PRKAR2A: variants seen among roughly 807,000 people sequenced by gnomAD.
The protein encoded by PRKAR2A is cAMP-dependent protein kinase type II-alpha regulatory subunit.
A neutral mutation model predicts 51.9 loss-of-function variants in PRKAR2A; 29 were observed. That is an observed-to-expected ratio of 0.56 (90% CI 0.42 to 0.76). The LOEUF (loss-of-function observed/expected upper bound fraction) is 0.76. PRKAR2A is among the 30% of genes least tolerant of loss of function. The pLI is 0.00. For synonymous variants in PRKAR2A, 178 were observed against 186.2 expected, an observed-to-expected ratio of 0.96 and a Z score of 0.36; for missense variants, 445 against 512.1, an observed-to-expected ratio of 0.87 and a Z score of 1.26.
At chr3:48,819,057 C>T (rs1299415291) in intron 1 of PRKAR2A, among the ~76,000 whole-genome samples, 2 of 151,678 alleles carry the variant, frequency 1.3e-5, no homozygotes, top group African/African-American at 4.8e-5. Context: ...GGCTGGAGTG[C>T]AGTGGTGCAA....
At chr3:48,845,050 A>T (rs1368673056) in intron 1 of PRKAR2A, among the ~76,000 whole-genome samples, 1 of 152,210 alleles carries the variant, frequency 6.6e-6, no homozygotes, top group Non-Finnish European at 1.5e-5. Flanking sequence ...AGTGTTGTGT[A>T]AATAAAAATT....
Position 48,817,488 on chromosome 3 carries a change from C to T in PRKAR2A, c.263-9804G>A, listed in dbSNP as rs544949814. On this transcript the variant is annotated intron_variant, in intron 1 of 10. Coordinates refer to ENST00000265563, the MANE Select transcript of PRKAR2A (RefSeq NM_004157.4). ...CCAACATGGTGAAACCCCATTTCTA[C>T]TAAAAATACAAAAAATTAGCCAGGC... Among the ~76,000 whole-genome samples the T allele has an allele frequency of 2.8e-3, 430 of 151,344 alleles. 4 individuals are homozygous for T. Among genetic ancestry groups the T allele is most frequent in the African/African-American group, 9.9e-3 (409 of 41,348 alleles).
chr3:48,818,439 G>C (rs2082906332), intron 1 of PRKAR2A, among the ~76,000 whole-genome samples: 1 of 152,138 alleles, frequency 6.6e-6, no homozygotes, highest in African/African-American at 2.4e-5. Flanking sequence ...CACCACAAAA[G>C]ACAGGTTTGC....
intron 1 of PRKAR2A, among the ~76,000 whole-genome samples, chr3:48,835,718 G>A (rs906545360): frequency 6.6e-6 from 1 of 151,142 alleles, no homozygotes; most frequent in African/African-American, 2.4e-5. Flanking sequence ...GAACCCAGGA[G>A]GCGGAGGCTG....
intron 8 of PRKAR2A, among the ~76,000 whole-genome samples, chr3:48,759,752 T>C (rs1575841016): frequency 6.6e-6 from 1 of 152,320 alleles, no homozygotes; most frequent in South Asian, 2.1e-4. Context: ...GAACATTCCA[T>C]TCTACATTCA....
At chr3:48,776,151 A>C (rs2082101573) in intron 5 of PRKAR2A, among the ~76,000 whole-genome samples, 1 of 152,108 alleles carries the variant, frequency 6.6e-6, no homozygotes, top group Admixed American at 6.6e-5. Flanking sequence ...TTATTTATCT[A>C]TTGATTGGCA....
rs1309063523 is a variant in PRKAR2A at position 48,751,563 on chromosome 3, A to G, written c.*22T>C. On this transcript the variant is annotated 3_prime_UTR_variant, in exon 11 of 11. Coordinates refer to ENST00000265563, the MANE Select transcript of PRKAR2A (RefSeq NM_004157.4). Reference sequence around the variant, plus strand: ...CAGAAGGTTTTGGTGTCACACTAAGAAGGCTCTGGGGTGTGGCACACCTAC... The same window carrying G: ...CAGAAGGTTTTGGTGTCACACTAAGGAGGCTCTGGGGTGTGGCACACCTAC... The G allele has an allele frequency of 1.9e-6, 3 of 1,605,986 alleles. No homozygotes were observed. The highest frequency in any genetic ancestry group is 2.7e-5 in the African/African-American group (2 of 74,860).
rs572072137 is a variant in PRKAR2A, at chr3:48,791,645, C to T, written c.352-1018G>A. Among the ~76,000 whole-genome samples, 6 of 147,390 alleles carry T rather than the reference C, an allele frequency of 4.1e-5. 1 individual carries two copies. Among genetic ancestry groups the T allele is most frequent in the African/African-American group, 1.2e-4 (5 of 40,228 alleles). On this transcript the variant is annotated intron_variant, in intron 3 of 10. Transcript: ENST00000265563. ...GGCATGGTGGCTCACTCCTGTAATC[C>T]CAGGTAATCCCAGCACTTTGAGAGG...
intron 6 of PRKAR2A, among the ~76,000 whole-genome samples, chr3:48,768,515 T>C (rs1213665140): frequency 6.6e-6 from 1 of 151,478 alleles, no homozygotes; most frequent in Middle Eastern, 3.2e-3. Flanking sequence ...CTGGCCAACA[T>C]GGTGAAATCT....
chr3:48,786,674 T>TG (rs1222180100), intron 4 of PRKAR2A, among the ~76,000 whole-genome samples: 2 of 151,372 alleles, frequency 1.3e-5, no homozygotes, highest in African/African-American at 2.4e-5. Flanking sequence ...AAAGATAACT[T>TG]GGGGGAAAAG....
chr3:48,760,282 G>C (rs2081844136), intron 8 of PRKAR2A, among the ~76,000 whole-genome samples: 1 of 152,016 alleles, frequency 6.6e-6, no homozygotes, highest in Non-Finnish European at 1.5e-5. Flanking sequence ...ACCTGAACTG[G>C]GGAGGTGGAG....
rs1427827162 is a variant in PRKAR2A, at chr3:48,824,683, G to A, written c.263-16999C>T. Among the ~76,000 whole-genome samples the A allele has an allele frequency of 2.6e-5, 4 of 151,988 alleles. No individual in the cohort carries two copies. In the East Asian group the frequency reaches 5.8e-4, roughly 22 times the overall value. On this transcript the variant is annotated intron_variant, in intron 1 of 10. Coordinates refer to ENST00000265563, the MANE Select transcript of PRKAR2A (RefSeq NM_004157.4). Reference sequence around the variant, plus strand: ...TATGAGGACAAGCATGATGGCTCACGCCCATGTAATCCTAACACTTTGGGA... The same window carrying A: ...TATGAGGACAAGCATGATGGCTCACACCCATGTAATCCTAACACTTTGGGA...
intron 1 of PRKAR2A, among the ~76,000 whole-genome samples, chr3:48,815,243 T>C (rs941025410): frequency 1.3e-5 from 2 of 152,058 alleles, no homozygotes; most frequent in African/African-American, 4.8e-5. Context: ...AGCCCCTTGA[T>C]ATTCAAACAG....
At chr3:48,830,459 A>G (rs184478954) in intron 1 of PRKAR2A, among the ~76,000 whole-genome samples, 1 of 152,316 alleles carries the variant, frequency 6.6e-6, no homozygotes, top group African/African-American at 2.4e-5. Context: ...AACTTTTTTT[A>G]GTAAGTAGAA....
chr3:48,764,926 G>T, intron 8 of PRKAR2A, 78 bp downstream of exon 8: 1 of 1,355,526 alleles, frequency 7.4e-7, no homozygotes, highest in Non-Finnish European at 1.0e-6. Flanking sequence ...CGTCCGGCAA[G>T]AAGTTTTTGA....
chr3:48,843,208 G>C (rs2083407282), intron 1 of PRKAR2A, among the ~76,000 whole-genome samples: 1 of 152,100 alleles, frequency 6.6e-6, no homozygotes, highest in Non-Finnish European at 1.5e-5. Flanking sequence ...AGAGGTGTTT[G>C]TAGTATTCTC....
At chr3:48,809,586 A>C (rs1156992844) in intron 1 of PRKAR2A, among the ~76,000 whole-genome samples, 2 of 110,524 alleles carry the variant, frequency 1.8e-5, no homozygotes, top group African/African-American at 3.7e-5. Flanking sequence ...ACAGAGCAAG[A>C]CTCCATCTCA....
At chr3:48,757,200 G>A (rs926713903) in intron 8 of PRKAR2A, among the ~76,000 whole-genome samples, 3 of 152,200 alleles carry the variant, frequency 2.0e-5, no homozygotes, top group Non-Finnish European at 4.4e-5. Flanking sequence ...GAAGATCTGT[G>A]TGGTAGGAAA....
At chr3:48,834,371 AAAC>A (rs1461594049) in intron 1 of PRKAR2A, among the ~76,000 whole-genome samples, 2 of 152,182 alleles carry the variant, frequency 1.3e-5, no homozygotes, top group Admixed American at 6.6e-5. Context: ...CACGGAAAAA[AAAC>A]AATAACAAAC....
Sources: allele counts gnomAD v4.1 joint callset (sites outside exome capture counted in the v4.1 genomes callset), GRCh38; gene constraint gnomAD v4.1.1; transcripts MANE v1.5; gene names NCBI Gene and HGNC (gene_info 2026-07-23, HGNC 2026-07-21).